Variants in RAPGEF2 observed in about 807,000 individuals in gnomAD.
RAPGEF2 encodes Rap guanine nucleotide exchange factor 2, also known as PDZ domain containing guanine nucleotide exchange factor (GEF) 1.
In RAPGEF2, 54 loss-of-function variants were observed where a neutral mutation model predicts 186.7. The observed-to-expected ratio is 0.29, with a 90% CI of 0.23 to 0.36. RAPGEF2 has a LOEUF of 0.36. Ranked by LOEUF, RAPGEF2 falls within the 10% of genes least tolerant of loss-of-function variation. RAPGEF2 has a pLI of 1.00. For missense variants in RAPGEF2, 1,532 were observed against 2,045.0 expected, an observed-to-expected ratio of 0.75 and a Z score of 4.84; for synonymous variants, 712 against 705.9, an observed-to-expected ratio of 1.01 and a Z score of -0.14.
At position 159,341,536 on chromosome 4, in the gene RAPGEF2, G is replaced by T; in HGVS notation, c.2535-28G>T. The stretch of plus-strand genomic sequence containing the variant: ...ATCATGAGATTGCTGCTTAGGCTTT[G>T]ACTCTGATATGTTTCTGTTTTTCAT... On this transcript the variant is annotated intron_variant, in intron 19 of 29. Coordinates refer to ENST00000691494, the MANE Select transcript of RAPGEF2 (RefSeq NM_001394067.2). 1.9e-6 allele frequency: 3 copies of T among 1,543,158 alleles called. No individual in the cohort carries two copies. The South Asian group carries it at 3.9e-5, about 20-fold the overall frequency.
chr4:159,142,970 C>T lies in RAPGEF2; in HGVS notation c.69+38739C>T, dbSNP rs371949473. On this transcript the variant is annotated intron_variant, in intron 1 of 29. Transcript: ENST00000691494. Reference sequence around the variant, plus strand: ...TCCTAAGCATTGTGTTAGAATGGCTCCAAGTATTCAAGAAAAACAAATATA... The same window carrying T: ...TCCTAAGCATTGTGTTAGAATGGCTTCAAGTATTCAAGAAAAACAAATATA... 8.4e-4 allele frequency among the ~76,000 whole-genome samples: 128 copies of T among 152,244 alleles called. 1 individual carries two copies. The South Asian group carries it at 0.026, about 31-fold the overall frequency.
At chr4:159,322,211 A>G (rs1393091770) in intron 9 of RAPGEF2, 136 bp from the exon 10 acceptor site, 2 of 669,536 alleles carry the variant, frequency 3.0e-6, no homozygotes, top group East Asian at 2.8e-5. Context: ...AGCTGGTGCT[A>G]AAGATACTTG....
chr4:159,241,073 A>G (rs1753932966), intron 5 of RAPGEF2, 128 bp from the exon 6 acceptor site: 1 of 703,090 alleles, frequency 1.4e-6, no homozygotes, highest in African/African-American at 1.8e-5. Context: ...AAGTTTGTCT[A>G]GATAGTTTTC....
intron 2 of RAPGEF2, among the ~76,000 whole-genome samples, chr4:159,189,887 A>G (rs1747938322): frequency 6.6e-6 from 1 of 152,216 alleles, no homozygotes; most frequent in African/African-American, 2.4e-5. Context: ...GGCTCTGGAG[A>G]TACTGCATTG....
intron 1 of RAPGEF2, among the ~76,000 whole-genome samples, chr4:159,183,809 G>A (rs1352387073): frequency 6.6e-6 from 1 of 152,120 alleles, no homozygotes; most frequent in Non-Finnish European, 1.5e-5. Flanking sequence ...TGTTACATGT[G>A]TATACATGTG....
Position 159,350,172 on chromosome 4 carries a change from T to C in RAPGEF2, c.3748T>C (p.Ser1250Pro), listed in dbSNP as rs1231033026. 5 of 1,578,790 alleles carry C rather than the reference T, an allele frequency of 3.2e-6. No homozygotes were observed. Among genetic ancestry groups the C allele is most frequent in the Non-Finnish European group, 4.3e-6 (5 of 1,162,538 alleles). ...NSPQALKKILSLSEEGSLERH... is the reference protein window; with the variant it reads ...NSPQALKKILPLSEEGSLERH... Reference sequence around the variant, plus strand: ...TCCACAAGCTTTAAAAAAAATTCTTTCTTTGTCTGAAGAAGGAAGTTTGGA... The same window carrying C: ...TCCACAAGCTTTAAAAAAAATTCTTCCTTTGTCTGAAGAAGGAAGTTTGGA... Residue 1250 changes from serine to proline, a missense_variant, in exon 26 of 30, where the codon TCT becomes CCT. By Grantham distance (74) the Ser-to-Pro change is moderately conservative. Transcript: ENST00000691494.
In RAPGEF2 at chr4:159,200,595, G is replaced by A. The variant is rs1001424064; in HGVS notation, c.197+7339G>A. Among the ~76,000 whole-genome samples, 4 of 152,134 alleles carry A rather than the reference G, an allele frequency of 2.6e-5. No homozygotes were observed. The East Asian group carries it at 7.7e-4, about 29-fold the overall frequency. On this transcript the variant is annotated intron_variant, in intron 3 of 29. Transcript: ENST00000691494. ...GTTAAAAAAAAAGGATGTCTGCTGT[G>A]TCCCCTGTATTTTCAGTATAAAGAT...
rs530007689 is a variant in RAPGEF2, at chr4:159,356,013, C to A, written c.4812C>A (p.Asp1604Glu). Reference sequence around the variant, plus strand: ...CGCGGATGGTCGCACGATCCTCCGACACAGCTGGGCCTTCATCCGTACAGC... The same window carrying A: ...CGCGGATGGTCGCACGATCCTCCGAAACAGCTGGGCCTTCATCCGTACAGC... ...QRSRMVARSSDTAGPSSVQQP... is the reference protein window; with the variant it reads ...QRSRMVARSSETAGPSSVQQP... The change falls in exon 29 of 30, where the codon GAC (aspartate) becomes GAA (glutamate). Residue 1604 changes from aspartate to glutamate, a missense_variant. Asp to Glu is a conservative substitution (Grantham distance 45, BLOSUM62 2). Coordinates refer to ENST00000691494, the MANE Select transcript of RAPGEF2 (RefSeq NM_001394067.2). The A allele has an allele frequency of 1.2e-6, 2 of 1,613,914 alleles. No individual in the cohort carries two copies. The highest frequency in any genetic ancestry group is 2.7e-5 in the African/African-American group (2 of 74,964).
intron 7 of RAPGEF2, among the ~76,000 whole-genome samples, chr4:159,297,754 C>G (rs1762197895): frequency 6.6e-6 from 1 of 151,976 alleles, no homozygotes. Flanking sequence ...AAATATCTGG[C>G]CTAAGGTGGT....
At chr4:159,344,148 G>T (rs1729945456) in intron 23 of RAPGEF2, 89 bp downstream of exon 23, 2 of 1,411,212 alleles carry the variant, frequency 1.4e-6, no homozygotes, top group Non-Finnish European at 2.0e-6. Flanking sequence ...CTGATGCTTT[G>T]CATTTTTGCA....
chr4:159,107,905 G>A (rs1284543720), intron 1 of RAPGEF2, among the ~76,000 whole-genome samples: 1 of 152,022 alleles, frequency 6.6e-6, no homozygotes, highest in Non-Finnish European at 1.5e-5. Context: ...ACTCATATTT[G>A]TCAGCTTATA....
chr4:159,153,304 A>AC (rs1743763177), intron 1 of RAPGEF2, among the ~76,000 whole-genome samples: 2 of 151,990 alleles, frequency 1.3e-5, no homozygotes, highest in South Asian at 2.1e-4. Flanking sequence ...TTCACCACCC[A>AC]CCCCCCACCT....
At chr4:159,124,314 C>T (rs1001587189) in intron 1 of RAPGEF2, among the ~76,000 whole-genome samples, 7 of 151,168 alleles carry the variant, frequency 4.6e-5, no homozygotes, top group Admixed American at 1.3e-4. Context: ...CTGAGGCGGG[C>T]GGATCACCTG....
At chr4:159,146,087 A>G (rs981243477) in intron 1 of RAPGEF2, among the ~76,000 whole-genome samples, 17 of 152,090 alleles carry the variant, frequency 1.1e-4, no homozygotes, top group Admixed American at 3.9e-4. Flanking sequence ...TTATGAAACT[A>G]TTCCTTCCAT....
Position 159,238,566 on chromosome 4 carries a change from A to T in RAPGEF2, c.282-243A>T, listed in dbSNP as rs956515789. ...TCATGCTAATAATTCTCCTTTACTTACATTATTAATTTGAAAATATTATGT... is the reference window on the plus strand; with the variant it reads ...TCATGCTAATAATTCTCCTTTACTTTCATTATTAATTTGAAAATATTATGT... On this transcript the variant is annotated intron_variant, in intron 4 of 29. Transcript: ENST00000691494. Among the ~76,000 whole-genome samples the T allele has an allele frequency of 3.3e-5, 5 of 152,216 alleles. No individual in the cohort carries two copies. The East Asian group carries it at 5.8e-4, about 18-fold the overall frequency.
rs1418316078 is a variant in RAPGEF2, at chr4:159,279,871, A to T, written c.544-24471A>T. On this transcript the variant is annotated intron_variant, in intron 7 of 29. Coordinates refer to ENST00000691494, the MANE Select transcript of RAPGEF2 (RefSeq NM_001394067.2). ...TTTTTGTGGATTTTTTTTGGTAGAG[A>T]TGGGGTTTCACCATGTTGGCCAGGC... Among the ~76,000 whole-genome samples the T allele has an allele frequency of 2.0e-5, 3 of 151,870 alleles. No homozygotes were observed. In the East Asian group the frequency reaches 5.8e-4, roughly 29 times the overall value.
intron 19 of RAPGEF2, among the ~76,000 whole-genome samples, chr4:159,340,351 A>G (rs889638610): frequency 2.6e-5 from 4 of 152,150 alleles, no homozygotes; most frequent in African/African-American, 4.8e-5. Flanking sequence ...GCACATTGAT[A>G]TATCTGGAAC....
intron 4 of RAPGEF2, among the ~76,000 whole-genome samples, chr4:159,236,227 G>A (rs929059926): frequency 9.2e-5 from 14 of 152,110 alleles, no homozygotes; most frequent in African/African-American, 3.4e-4. Flanking sequence ...AGTTTCATCA[G>A]GCTGTAGTGC....
At chr4:159,141,385 A>G (rs1742311962) in intron 1 of RAPGEF2, among the ~76,000 whole-genome samples, 1 of 152,152 alleles carries the variant, frequency 6.6e-6, no homozygotes, top group Non-Finnish European at 1.5e-5. Flanking sequence ...GCAGCACAGT[A>G]TTCCCCTGGA....
Sources: gnomAD v4.1 joint callset for allele counts (sites outside exome capture counted in the v4.1 genomes callset) on GRCh38, gnomAD v4.1.1 for gene constraint, MANE v1.5 for transcripts, NCBI Gene and HGNC (gene_info 2026-07-23, HGNC 2026-07-21) for gene names.